Variants in ZYG11B observed in about 807,000 individuals in gnomAD.
ZYG11B encodes the protein zyg-11 family member B, cell cycle regulator, also known as protein zyg-11 homolog B.
Under a neutral mutation model 82.4 loss-of-function variants are expected in ZYG11B, and 36 were observed. The ratio of observed to expected loss-of-function variants is 0.44; its 90% CI spans 0.33 to 0.58. The LOEUF (loss-of-function observed/expected upper bound fraction) is 0.58. Among genes scored for constraint, ZYG11B ranks in the 20% least tolerant of loss-of-function variants. The pLI is 0.02. For synonymous variants in ZYG11B, 303 were observed against 312.8 expected (o/e 0.97, Z 0.33); for missense variants, 552 against 895.6 (o/e 0.62, Z 4.90).
intron 1 of ZYG11B, among the ~76,000 whole-genome samples, chr1:52,745,295 G>A (rs1283331621): frequency 6.6e-6 from 1 of 152,152 alleles, no homozygotes; most frequent in African/African-American, 2.4e-5. Context: ...CGGAGTGGGG[G>A]TTGTGGGAAG....
Position 52,784,989 on chromosome 1 carries a change from G to A in ZYG11B, c.1205G>A (p.Arg402Gln), listed in dbSNP as rs377337861. Residue 402 changes from arginine (R) to glutamine (Q), a missense_variant, in exon 5 of 14, where the codon CGA becomes CAA. Transcript: ENST00000294353. ...GATCTTGCTGCAGGGATGCCTGTCC[G>A]ACTCCTGGCTGATGTGACCCATTTG... The part of the protein sequence containing the change: ...KQDLAAGMPV[R>Q]LLADVTHLLL... 18 of 1,613,990 alleles carry A rather than the reference G, an allele frequency of 1.1e-5. No individual in the cohort carries two copies. The highest frequency in any genetic ancestry group is 4.5e-5 in the East Asian group (2 of 44,894).
intron 1 of ZYG11B, 111 bp from the exon 2 acceptor site, chr1:52,756,347 A>T: frequency 1.0e-6 from 1 of 978,908 alleles, no homozygotes. Flanking sequence ...CATATGATAG[A>T]CACTAAAGAA....
chr1:52,732,506 T>C (rs1445148544), intron 1 of ZYG11B, among the ~76,000 whole-genome samples: 1 of 152,202 alleles, frequency 6.6e-6, no homozygotes, highest in Non-Finnish European at 1.5e-5. Flanking sequence ...ACGCCTGTAA[T>C]CCCAGCACTT....
chr1:52,741,321 A>AAAAAAAAT (rs1481484800), intron 1 of ZYG11B, among the ~76,000 whole-genome samples: 10 of 125,454 alleles, frequency 8.0e-5, no homozygotes, highest in East Asian at 4.9e-4. Context: ...AAAAAAAAAG[A>AAAAAAAAT]AAAGAAAAGA....
chr1:52,768,183 C>A (rs573208845), intron 2 of ZYG11B, among the ~76,000 whole-genome samples: 40 of 152,254 alleles, frequency 2.6e-4, no homozygotes, highest in African/African-American at 8.4e-4. Flanking sequence ...TGCTGCTTTC[C>A]TGGTACGTTG....
rs1220969415 is a variant in ZYG11B at position 52,822,434 on chromosome 1, G to A, written c.*805G>A. The A allele has an allele frequency of 6.6e-6, 1 of 152,138 alleles. No individual in the cohort carries two copies. Among genetic ancestry groups the A allele is most frequent in the South Asian group, 2.1e-4 (1 of 4,828 alleles). The allele number at this position is 152,138 out of a possible 1,614,324, so 9.4% of individuals were successfully genotyped here. On this transcript the variant is annotated 3_prime_UTR_variant, in exon 14 of 14. Transcript: ENST00000294353. ...CAGCACTCTGTGTTAAAGACTAACTGTCTACATCTCCATATGTTGTAGTGT... is the reference window on the plus strand; with the variant it reads ...CAGCACTCTGTGTTAAAGACTAACTATCTACATCTCCATATGTTGTAGTGT...
intron 3 of ZYG11B, among the ~76,000 whole-genome samples, chr1:52,778,525 C>CT (rs1292706971): frequency 1.3e-5 from 2 of 152,150 alleles, no homozygotes; most frequent in Non-Finnish European, 2.9e-5. Flanking sequence ...CGTTAGATCC[C>CT]TTTGGCCAGA....
rs770092920 is a variant in ZYG11B, at chr1:52,741,298, C to CAAA, written c.30+14634_30+14636dup. On this transcript the variant is annotated intron_variant, in intron 1 of 13. Coordinates refer to ENST00000294353, the MANE Select transcript of ZYG11B (RefSeq NM_024646.3). ...GGGGCAAAAGAGTGAGACTTCGTCT[C>CAAA]AAAAAAAAAAAAAAAAAAAAAGAAA... 3.9e-4 allele frequency among the ~76,000 whole-genome samples: 28 copies of CAAA among 72,200 alleles called. 1 individual carries two copies. The highest frequency in any genetic ancestry group is 6.4e-4 in the South Asian group (1 of 1,558). The allele number at this position is 72,200 out of a possible 152,430, so 47.4% of individuals were successfully genotyped here.
intron 1 of ZYG11B, among the ~76,000 whole-genome samples, chr1:52,753,983 G>C (rs142363329): frequency 0.014 from 2,124 of 151,006 alleles, 46 homozygotes; most frequent in African/African-American, 0.049. Flanking sequence ...TGTCTGCCTC[G>C]GCCTCCCAAG....
At chr1:52,804,921 G>A (rs530937498) in intron 10 of ZYG11B, among the ~76,000 whole-genome samples, 9 of 151,764 alleles carry the variant, frequency 5.9e-5, no homozygotes, top group East Asian at 1.9e-4. Flanking sequence ...GAGAAGTCTC[G>A]TTTCTACTAA....
chr1:52,750,514 C>T (rs569579108), intron 1 of ZYG11B, among the ~76,000 whole-genome samples: 213 of 152,276 alleles, frequency 1.4e-3, no homozygotes, highest in African/African-American at 4.8e-3. Context: ...CTCAGGTGAT[C>T]TGCCTGCCTT....
chr1:52,787,166 A>G (rs1558133795), intron 5 of ZYG11B, among the ~76,000 whole-genome samples: 1 of 152,182 alleles, frequency 6.6e-6, no homozygotes, highest in East Asian at 1.9e-4. Context: ...CAAACACCAA[A>G]TGTCCATCAG....
intron 10 of ZYG11B, among the ~76,000 whole-genome samples, chr1:52,812,084 G>A (rs1408634276): frequency 2.0e-5 from 3 of 151,370 alleles, no homozygotes; most frequent in Non-Finnish European, 2.9e-5. Flanking sequence ...CTCCCTTCAT[G>A]TTTATGTCTG....
intron 13 of ZYG11B, among the ~76,000 whole-genome samples, chr1:52,817,811 ATATATTTTTTTTTTTTTTTTTTTTT>A (rs1645247081): frequency 2.7e-5 from 1 of 36,972 alleles, no homozygotes; most frequent in African/African-American, 1.2e-4. Context: ...ATATATATAT[ATATATTTTTTTTTTTTTTTTTTTTT>A]TTTTTTTTTT....
chr1:52,803,167 T>TAC lies in ZYG11B; in HGVS notation c.1695+1034_1695+1035dup, dbSNP rs1174039077. Among the ~76,000 whole-genome samples, 10 of 62,776 alleles carry TAC rather than the reference T, an allele frequency of 1.6e-4. 1 individual carries two copies. Among genetic ancestry groups the TAC allele is most frequent in the East Asian group, 1.3e-3 (1 of 760 alleles). The allele number at this position is 62,776 out of a possible 152,430, so 41.2% of individuals were successfully genotyped here. On this transcript the variant is annotated intron_variant, in intron 10 of 13. Coordinates refer to ENST00000294353, the MANE Select transcript of ZYG11B (RefSeq NM_024646.3). ...ATATATATATATACACATATATATATACACACATATATATATATATACACA... is the reference window on the plus strand; with the variant it reads ...ATATATATATATACACATATATATATACACACACATATATATATATATACACA...
chr1:52,786,381 G>C (rs770712782), intron 5 of ZYG11B, among the ~76,000 whole-genome samples: 1 of 152,154 alleles, frequency 6.6e-6, no homozygotes, highest in Non-Finnish European at 1.5e-5. Context: ...CCATCAAATT[G>C]TACACTTTAA....
chr1:52,776,293 G>A (rs1043766791), intron 3 of ZYG11B, among the ~76,000 whole-genome samples: 2 of 138,278 alleles, frequency 1.4e-5, no homozygotes, highest in East Asian at 4.1e-4. Flanking sequence ...CACTTTGGGA[G>A]GCCAAGACAT....
Position 52,803,097 on chromosome 1 carries a change from T to TATATATATAC in ZYG11B, c.1695+959_1695+960insTATATATACA, listed in dbSNP as rs1212524091. On this transcript the variant is annotated intron_variant, in intron 10 of 13. Transcript: ENST00000294353. ...ATATATATATATACACATATATATA[T>TATATATATAC]ACATATATATATATATATATACACA... is the stretch of plus-strand genomic sequence containing the variant. Among the ~76,000 whole-genome samples, 7 of 44,850 alleles carry TATATATATAC rather than the reference T, an allele frequency of 1.6e-4. 2 individuals are homozygous for TATATATATAC. The highest frequency in any genetic ancestry group is 8.2e-4 in the East Asian group (2 of 2,428). The allele number at this position is 44,850 out of a possible 152,430, so 29.4% of individuals were successfully genotyped here.
chr1:52,784,738 C>G, intron 4 of ZYG11B, 139 bp from the exon 5 acceptor site: 1 of 896,722 alleles, frequency 1.1e-6, no homozygotes, highest in Non-Finnish European at 1.7e-6. Flanking sequence ...ACTGCTATAT[C>G]CTAGGCTCTT....
Sources: gnomAD v4.1 joint callset for allele counts (sites outside exome capture counted in the v4.1 genomes callset) on GRCh38, gnomAD v4.1.1 for gene constraint, MANE v1.5 for transcripts, NCBI Gene and HGNC (gene_info 2026-07-23, HGNC 2026-07-21) for gene names.